The following CCDC25 variants were observed in gnomAD, a reference collection of about 807,000 sequenced individuals.
CCDC25 encodes the protein coiled-coil domain-containing protein 25.
A neutral mutation model predicts 35.3 loss-of-function variants in CCDC25; 16 were observed. That is an observed-to-expected ratio of 0.45 (90% CI 0.31 to 0.69). The LOEUF is 0.69. CCDC25 is among the 30% of genes least tolerant of loss of function. The pLI is 0.06. For missense variants in CCDC25, 179 were observed against 250.7 expected (o/e 0.71, Z 1.93); for synonymous variants, 79 against 80.3 (o/e 0.98, Z 0.09).
At position 27,734,951 on chromosome 8, in the gene CCDC25, T is replaced by C. The variant is rs939044857; in HGVS notation, c.*1265A>G. The C allele has an allele frequency of 2.6e-5, 4 of 152,182 alleles. No individual in the cohort carries two copies. Among genetic ancestry groups the C allele is most frequent in the African/African-American group, 9.7e-5 (4 of 41,444 alleles). 9.4% of individuals were successfully genotyped at this position (152,182 alleles called of 1,614,324 possible). ...AGAACCTGTCAGACTGAGCCTATGA[T>C]GAATGAGGTTTTTTAGAGCAAGATC... On this transcript the variant is annotated 3_prime_UTR_variant, in exon 9 of 9. Coordinates refer to ENST00000356537, the MANE Select transcript of CCDC25 (RefSeq NM_018246.3).
chr8:27,772,543 T>G lies in CCDC25; in HGVS notation c.-3A>C. 1.3e-6 allele frequency: 2 copies of G among 1,549,436 alleles called. No homozygotes were observed. Among genetic ancestry groups the G allele is most frequent in the South Asian group, 2.4e-5 (2 of 84,002 alleles). ...CTGCTGGTGAAGTAGAACACCATGA[T>G]CCCGGGAGCGGTGCGGTGACTCCAC... On this transcript the variant is annotated 5_prime_UTR_variant, in exon 1 of 9. Transcript: ENST00000356537.
intron 5 of CCDC25, 127 bp downstream of exon 5, chr8:27,752,385 G>T: frequency 1.5e-6 from 1 of 682,496 alleles, no homozygotes; most frequent in Non-Finnish European, 2.5e-6. Flanking sequence ...ACAAAACATG[G>T]CAAAGGCACA....
In CCDC25 at chr8:27,737,308, AAG is replaced by A. The variant is rs1803268489; in HGVS notation, c.598-1065_598-1064del. Reference sequence around the variant, plus strand: ...AAATAAAAGCAGTAGCAATGTTTGAAAGAGTCATTTAGTATCTTCAAATGCCA... The same window carrying A: ...AAATAAAAGCAGTAGCAATGTTTGAAAGTCATTTAGTATCTTCAAATGCCA... On this transcript the variant is annotated intron_variant, in intron 8 of 8. Transcript: ENST00000356537. This position sits in a 1 kb window ranked among gnomAD's most constrained non-coding sequence, Gnocchi z 4.6. Among the ~76,000 whole-genome samples, 1 of 152,230 alleles carries A rather than the reference AAG, an allele frequency of 6.6e-6. No individual in the cohort carries two copies. Among genetic ancestry groups the A allele is most frequent in the Non-Finnish European group, 1.5e-5 (1 of 68,036 alleles).
intron 5 of CCDC25, among the ~76,000 whole-genome samples, chr8:27,750,443 A>C (rs1002299231): frequency 3.3e-5 from 5 of 152,228 alleles, no homozygotes; most frequent in African/African-American, 9.6e-5. Flanking sequence ...AGGGCCAGGC[A>C]TGTAATTAAC....
chr8:27,757,554 CATCT>C (rs1192074408), intron 3 of CCDC25, among the ~76,000 whole-genome samples: 1 of 152,078 alleles, frequency 6.6e-6, no homozygotes, highest in Non-Finnish European at 1.5e-5. Context: ...ATGGATCTAT[CATCT>C]ATCAATTTAA....
At chr8:27,762,552 C>G in intron 2 of CCDC25, 94 bp from the exon 3 acceptor site, 2 of 1,072,958 alleles carry the variant, frequency 1.9e-6, no homozygotes, top group Admixed American at 4.1e-5. Flanking sequence ...GCTCCTCCCA[C>G]AAATTTCTCT....
intron 4 of CCDC25, 134 bp downstream of exon 4, chr8:27,756,585 C>G: frequency 3.2e-6 from 2 of 634,556 alleles, no homozygotes. Flanking sequence ...AGAGGGAAGA[C>G]ACGTCTTCAT....
chr8:27,738,601 GGTGTGT>G (rs35046025), intron 8 of CCDC25, among the ~76,000 whole-genome samples: 8 of 150,042 alleles, frequency 5.3e-5, no homozygotes, highest in South Asian at 2.1e-4. Flanking sequence ...TCGGTAGGTA[GGTGTGT>G]GTGTGTGTGT....
At chr8:27,755,107 T>C (rs1269276519) in intron 4 of CCDC25, among the ~76,000 whole-genome samples, 2 of 152,146 alleles carry the variant, frequency 1.3e-5, no homozygotes, top group East Asian at 3.9e-4. Context: ...ATCACACTCA[T>C]AAACTACAGA....
intron 7 of CCDC25, among the ~76,000 whole-genome samples, chr8:27,746,754 G>A (rs1803615824): frequency 6.6e-6 from 1 of 152,108 alleles, no homozygotes; most frequent in Non-Finnish European, 1.5e-5. Flanking sequence ...GTAACTCAGG[G>A]TAACATTTCT....
intron 5 of CCDC25, among the ~76,000 whole-genome samples, chr8:27,750,090 G>A (rs184728448): frequency 6.6e-6 from 1 of 152,180 alleles, no homozygotes; most frequent in Admixed American, 6.5e-5. Flanking sequence ...TGCTCTCCAC[G>A]ACTCTAACGG....
chr8:27,736,381 C>T, intron 8 of CCDC25, 136 bp from the exon 9 acceptor site: 1 of 674,352 alleles, frequency 1.5e-6, no homozygotes. Context: ...TAAATTGACT[C>T]ATCACTTCTC....
chr8:27,749,648 A>C (rs1257027363), intron 5 of CCDC25, among the ~76,000 whole-genome samples: 2 of 152,120 alleles, frequency 1.3e-5, no homozygotes, highest in Non-Finnish European at 2.9e-5. Context: ...GCAAGTAAAT[A>C]CAGCACATGG....
At chr8:27,740,025 A>G (rs1803381192) in intron 8 of CCDC25, among the ~76,000 whole-genome samples, 2 of 152,226 alleles carry the variant, frequency 1.3e-5, no homozygotes, top group Non-Finnish European at 2.9e-5. Context: ...TTTGTCACTT[A>G]GGCTTCACTG....
At chr8:27,752,796 T>C (rs1803859045) in intron 4 of CCDC25, 1 of 337,988 alleles carries the variant, frequency 3.0e-6, no homozygotes, top group East Asian at 4.3e-5. Context: ...TATGAAAATA[T>C]TGACACTTAA....
intron 2 of CCDC25, among the ~76,000 whole-genome samples, chr8:27,762,913 A>AAAAT (rs1211453017): frequency 6.6e-6 from 1 of 152,206 alleles, no homozygotes; most frequent in East Asian, 1.9e-4. Context: ...GTATAAAAAG[A>AAAAT]AAATAAAAAT....
At chr8:27,746,839 C>A (rs991211210) in intron 7 of CCDC25, among the ~76,000 whole-genome samples, 1 of 152,078 alleles carries the variant, frequency 6.6e-6, no homozygotes, top group Non-Finnish European at 1.5e-5. Context: ...CACGTGCATG[C>A]GAATAATAAA....
chr8:27,752,644 G>T, intron 4 of CCDC25, 57 bp from the exon 5 acceptor site: 1 of 1,332,002 alleles, frequency 7.5e-7, no homozygotes, highest in Non-Finnish European at 1.1e-6. Flanking sequence ...TGACACTGGA[G>T]CACTCAAAGG....
intron 7 of CCDC25, among the ~76,000 whole-genome samples, chr8:27,743,808 C>T (rs529691464): frequency 1.4e-4 from 21 of 152,238 alleles, no homozygotes; most frequent in South Asian, 1.0e-3. Context: ...GTGGGAGGAT[C>T]GCTTGAGCCC....
Sources: allele counts gnomAD v4.1 joint callset (sites outside exome capture counted in the v4.1 genomes callset), GRCh38; gene constraint gnomAD v4.1.1; non-coding constraint Gnocchi (gnomAD v3.1); transcripts MANE v1.5; gene names NCBI Gene and HGNC (gene_info 2026-07-23, HGNC 2026-07-21).